Variants in TMC2 observed in about 807,000 individuals in gnomAD.
TMC2 encodes transmembrane channel-like protein 2.
TMC2 carries 102 observed loss-of-function variants against 105.9 expected under a neutral mutation model. The observed-to-expected ratio is 0.96, with a 90% CI of 0.82 to 1.14. The LOEUF (loss-of-function observed/expected upper bound fraction) is 1.14, where lower values mean the gene tolerates loss of function less well. Among genes scored for constraint, TMC2 ranks in the 50% most tolerant of loss-of-function variants. The pLI is 0.00. For missense variants in TMC2, 1,093 were observed against 1,134.3 expected (o/e 0.96, Z 0.52); for synonymous variants, 402 against 422.8 (o/e 0.95, Z 0.60).
At chr20:2,545,826 AAAG>A (rs2085920853) in intron 2 of TMC2, among the ~76,000 whole-genome samples, 1 of 58,774 alleles carries the variant, frequency 1.7e-5, no homozygotes, top group South Asian at 5.1e-4. Context: ...GAAGAGGAAG[AAAG>A]AAAGAAAGAA....
intron 2 of TMC2, among the ~76,000 whole-genome samples, chr20:2,549,024 A>G (rs1172804507): frequency 6.6e-6 from 1 of 152,148 alleles, no homozygotes. Context: ...CATTTGCCAA[A>G]TTTTTACCTA....
At chr20:2,635,877 T>C (rs2086638573) in intron 17 of TMC2, 49 bp from the exon 18 acceptor site, 1 of 1,496,162 alleles carries the variant, frequency 6.7e-7, no homozygotes, top group Non-Finnish European at 9.3e-7. Context: ...CCAGCTCCTA[T>C]CATCTGCCAA....
At position 2,551,304 on chromosome 20, in the gene TMC2, T is replaced by C. The variant is rs149258312; in HGVS notation, c.83-7152T>C. 3.4e-3 allele frequency among the ~76,000 whole-genome samples: 518 copies of C among 152,208 alleles called. 1 individual carries two copies. The highest frequency in any genetic ancestry group is 6.8e-3 in the Middle Eastern group (2 of 294). On this transcript the variant is annotated intron_variant, in intron 2 of 19. Coordinates refer to ENST00000358864, the MANE Select transcript of TMC2 (RefSeq NM_080751.3). ...CTCAGATCTTTTTTCCATTTTTTAATTGTTTGTTTTCTTATTCTTGAGTTT... is the reference window on the plus strand; with the variant it reads ...CTCAGATCTTTTTTCCATTTTTTAACTGTTTGTTTTCTTATTCTTGAGTTT...
chr20:2,638,918 C>A (rs576017785), intron 19 of TMC2, among the ~76,000 whole-genome samples: 1 of 152,048 alleles, frequency 6.6e-6, no homozygotes, highest in African/African-American at 2.4e-5. Context: ...TTTTTTGAGA[C>A]AGAGTCTCAC....
chr20:2,553,061 T>C lies in TMC2; in HGVS notation c.83-5395T>C, dbSNP rs997682749. 1.5e-3 allele frequency among the ~76,000 whole-genome samples: 230 copies of C among 152,302 alleles called. 1 individual carries two copies. Among genetic ancestry groups the C allele is most frequent in the African/African-American group, 5.4e-3 (223 of 41,556 alleles). On this transcript the variant is annotated intron_variant, in intron 2 of 19. Transcript: ENST00000358864. ...TATCTGTGAACAAAGACAGTTTTAT[T>C]TTTTTGTTCCCATTTAGTCTACTGT...
At chr20:2,549,969 G>T (rs2085947119) in intron 2 of TMC2, among the ~76,000 whole-genome samples, 1 of 152,046 alleles carries the variant, frequency 6.6e-6, no homozygotes, top group Admixed American at 6.6e-5. Context: ...GGTCACCTGA[G>T]GTCAGCAGTT....
chr20:2,621,703 C>T (rs1284714535), intron 16 of TMC2, among the ~76,000 whole-genome samples: 1 of 152,118 alleles, frequency 6.6e-6, no homozygotes, highest in African/African-American at 2.4e-5. Context: ...TGGAGCTTGG[C>T]TGATTGGATT....
rs2086486041 is a variant in TMC2, at chr20:2,616,844, C to T, written c.1941-228C>T. 6.6e-6 allele frequency among the ~76,000 whole-genome samples: 1 copy of T among 152,320 alleles called. No individual in the cohort carries two copies. The highest frequency in any genetic ancestry group is 1.5e-5 in the Non-Finnish European group (1 of 68,026). ...GGGCGAGTCAGTGGTAAAATCTTGG[C>T]CAGAGCTTAAGCCAGGAATGCTCGG... is the stretch of plus-strand genomic sequence containing the variant. On this transcript the variant is annotated intron_variant, in intron 15 of 19. Coordinates refer to ENST00000358864, the MANE Select transcript of TMC2 (RefSeq NM_080751.3). The surrounding 1 kb of genome is among the most constrained non-coding windows in gnomAD (Gnocchi z 4.8).
intron 17 of TMC2, among the ~76,000 whole-genome samples, chr20:2,630,830 A>G (rs1484521247): frequency 6.6e-6 from 1 of 152,226 alleles, no homozygotes; most frequent in Non-Finnish European, 1.5e-5. Context: ...CTCTAAATAA[A>G]TAAATGAAAT....
rs375562831 is a variant in TMC2 at position 2,543,965 on chromosome 20, G to A, written c.82+6649G>A. 3.4e-5 allele frequency among the ~76,000 whole-genome samples: 5 copies of A among 147,632 alleles called. No individual in the cohort carries two copies. In the East Asian group the frequency reaches 7.9e-4, roughly 23 times the overall value. On this transcript the variant is annotated intron_variant, in intron 2 of 19. Transcript: ENST00000358864. The stretch of plus-strand genomic sequence containing the variant: ...TCACCCAGGCTGAAGTGCATGGCAT[G>A]ATCTTGGCTCACTGCAACCTCCACC...
At chr20:2,589,050 C>T (rs2086249861) in intron 7 of TMC2, among the ~76,000 whole-genome samples, 1 of 152,062 alleles carries the variant, frequency 6.6e-6, no homozygotes. Flanking sequence ...CTTATTTAGA[C>T]TTCCTTTGAA....
chr20:2,576,234 A>G (rs547324911), intron 5 of TMC2, among the ~76,000 whole-genome samples: 22 of 152,256 alleles, frequency 1.4e-4, no homozygotes, highest in African/African-American at 4.1e-4. Flanking sequence ...CTAACAACCC[A>G]TCCTAGGACC....
intron 6 of TMC2, among the ~76,000 whole-genome samples, 153 bp downstream of exon 6, chr20:2,579,380 T>G (rs1287534978): frequency 6.8e-6 from 1 of 147,982 alleles, no homozygotes; most frequent in Non-Finnish European, 1.5e-5. Context: ...GGCCAAGATT[T>G]ATTTTTTATT....
chr20:2,634,586 G>T (rs539698926), intron 17 of TMC2, among the ~76,000 whole-genome samples: 1 of 152,148 alleles, frequency 6.6e-6, no homozygotes, highest in Admixed American at 6.5e-5. Context: ...GACCCTGAAG[G>T]CACCAAGGAG....
At chr20:2,576,390 A>G (rs569489083) in intron 5 of TMC2, among the ~76,000 whole-genome samples, 24 of 152,274 alleles carry the variant, frequency 1.6e-4, no homozygotes, top group African/African-American at 4.6e-4. Flanking sequence ...CCTCTGCTCC[A>G]GTTCTGGGGC....
chr20:2,584,989 C>A (rs1010318367), intron 7 of TMC2, among the ~76,000 whole-genome samples: 4 of 152,168 alleles, frequency 2.6e-5, no homozygotes, highest in Non-Finnish European at 5.9e-5. Flanking sequence ...CAGCTCCCAG[C>A]CCTTGACAAC....
intron 19 of TMC2, among the ~76,000 whole-genome samples, chr20:2,639,089 G>T (rs1488927932): frequency 6.6e-6 from 1 of 152,080 alleles, no homozygotes; most frequent in Non-Finnish European, 1.5e-5. Context: ...TAGAGACAGG[G>T]TTTCACCATG....
At chr20:2,609,523 C>T (rs188859088) in intron 11 of TMC2, among the ~76,000 whole-genome samples, 1 of 152,188 alleles carries the variant, frequency 6.6e-6, no homozygotes, top group Non-Finnish European at 1.5e-5. Context: ...AAAGCACAAA[C>T]AATAGTAGGC....
At chr20:2,546,443 GA>G (rs1298420387) in intron 2 of TMC2, among the ~76,000 whole-genome samples, 1 of 149,464 alleles carries the variant, frequency 6.7e-6, no homozygotes, top group African/African-American at 2.5e-5. Flanking sequence ...AAAAGAATAG[GA>G]AAGAGAAGAA....
Sources: gnomAD v4.1 joint callset for allele counts (sites outside exome capture counted in the v4.1 genomes callset) on GRCh38, gnomAD v4.1.1 for gene constraint, Gnocchi (gnomAD v3.1) non-coding constraint, MANE v1.5 for transcripts, NCBI Gene and HGNC (gene_info 2026-07-23, HGNC 2026-07-21) for gene names.